The following ZNF438 variants were observed in gnomAD, a reference collection of about 807,000 sequenced individuals.
The protein encoded by ZNF438 is zinc finger protein 438.
ZNF438 carries 25 observed loss-of-function variants against 38.0 expected under a neutral mutation model. The observed-to-expected ratio is 0.66, with a 90% CI of 0.48 to 0.92. The LOEUF (loss-of-function observed/expected upper bound fraction) is 0.92. Among genes scored for constraint, ZNF438 ranks in the 40% least tolerant of loss-of-function variants. The probability of loss-of-function intolerance (pLI) is 0.00; values close to 1 mark genes in which losing one functional copy is unlikely to be tolerated. For missense variants in ZNF438, 1,007 were observed against 999.6 expected, an observed-to-expected ratio of 1.01 and a Z score of -0.10; for synonymous variants, 372 against 364.1, an observed-to-expected ratio of 1.02 and a Z score of -0.25.
At chr10:30,917,198 G>C (rs1426004582) in intron 2 of ZNF438, among the ~76,000 whole-genome samples, 1 of 152,012 alleles carries the variant, frequency 6.6e-6, no homozygotes. Context: ...ATTTGCCAGT[G>C]TTTCATTTTA....
intron 1 of ZNF438, among the ~76,000 whole-genome samples, chr10:31,001,548 T>C (rs78692412): frequency 0.015 from 2,259 of 152,250 alleles, 50 homozygotes; most frequent in African/African-American, 0.051. Flanking sequence ...ATATATTGTA[T>C]CATAAAGATT....
At chr10:30,885,559 A>T (rs570879929) in intron 3 of ZNF438, among the ~76,000 whole-genome samples, 1 of 152,202 alleles carries the variant, frequency 6.6e-6, no homozygotes, top group Admixed American at 6.5e-5. Context: ...TGAGGTGCTC[A>T]AAGAAAATTA....
At chr10:30,933,599 C>CAA (rs1491081811) in intron 2 of ZNF438, among the ~76,000 whole-genome samples, 3 of 130,550 alleles carry the variant, frequency 2.3e-5, no homozygotes, top group Non-Finnish European at 5.5e-5. Context: ...TCTTGGGTGA[C>CAA]AGAGTGAGAC....
At chr10:30,970,332 T>A (rs1474792277) in intron 1 of ZNF438, among the ~76,000 whole-genome samples, 1 of 152,174 alleles carries the variant, frequency 6.6e-6, no homozygotes, top group East Asian at 1.9e-4. Context: ...TTGACAACAG[T>A]TATGTTAATG....
intron 1 of ZNF438, among the ~76,000 whole-genome samples, chr10:30,991,253 C>T (rs2053460014): frequency 6.6e-6 from 1 of 152,232 alleles, no homozygotes; most frequent in South Asian, 2.1e-4. Flanking sequence ...GTAGAACAAG[C>T]CACTGGCACT....
chr10:30,872,655 C>T (rs1190944225), intron 4 of ZNF438, among the ~76,000 whole-genome samples: 1 of 144,906 alleles, frequency 6.9e-6, no homozygotes, highest in African/African-American at 2.6e-5. Context: ...GAGGCTGAGG[C>T]AGGAGAATGG....
At chr10:30,867,019 A>G (rs1239940557) in intron 4 of ZNF438, among the ~76,000 whole-genome samples, 1 of 152,250 alleles carries the variant, frequency 6.6e-6, no homozygotes, top group East Asian at 1.9e-4. Context: ...AAAATCTAAT[A>G]GAATACAAAA....
intron 1 of ZNF438, among the ~76,000 whole-genome samples, chr10:30,985,507 T>C (rs1162283445): frequency 6.6e-6 from 1 of 152,224 alleles, no homozygotes; most frequent in Non-Finnish European, 1.5e-5. Flanking sequence ...CATCAGGAGA[T>C]GTACCAACCA....
chr10:30,991,369 G>A (rs1259825412), intron 1 of ZNF438, among the ~76,000 whole-genome samples: 1 of 152,204 alleles, frequency 6.6e-6, no homozygotes, highest in Non-Finnish European at 1.5e-5. Flanking sequence ...TGGGGCAAAA[G>A]TTCTACTCTA....
At chr10:30,931,560 C>T (rs545002532) in intron 2 of ZNF438, among the ~76,000 whole-genome samples, 4 of 152,238 alleles carry the variant, frequency 2.6e-5, no homozygotes, top group Non-Finnish European at 5.9e-5. Flanking sequence ...TCAGAAATAA[C>T]GTTTGCATGT....
chr10:30,866,284 A>G (rs2036419180), intron 4 of ZNF438, among the ~76,000 whole-genome samples: 1 of 152,188 alleles, frequency 6.6e-6, no homozygotes, highest in African/African-American at 2.4e-5. Context: ...TTTTCATGGA[A>G]TACAATTTTT....
chr10:30,931,975 A>C (rs1356814578), intron 2 of ZNF438, among the ~76,000 whole-genome samples: 2 of 152,224 alleles, frequency 1.3e-5, no homozygotes, highest in Non-Finnish European at 2.9e-5. Context: ...GTAGAGGGTA[A>C]TAACGTGCTC....
chr10:31,022,484 C>G (rs2056667325), intron 1 of ZNF438, among the ~76,000 whole-genome samples: 1 of 152,178 alleles, frequency 6.6e-6, no homozygotes, highest in Non-Finnish European at 1.5e-5. Context: ...TGGTCTCGAA[C>G]TCCTGACCTC....
intron 1 of ZNF438, among the ~76,000 whole-genome samples, chr10:31,027,903 C>T (rs549949281): frequency 1.2e-4 from 18 of 152,070 alleles, no homozygotes; most frequent in Non-Finnish European, 2.4e-4. Flanking sequence ...ATAAAATCTA[C>T]GGCAGTGCAA....
intron 2 of ZNF438, among the ~76,000 whole-genome samples, chr10:30,940,170 T>A (rs757405257): frequency 2.6e-5 from 4 of 152,200 alleles, no homozygotes; most frequent in Non-Finnish European, 5.9e-5. Context: ...AGCACACTCT[T>A]AATTTATTAC....
At chr10:31,028,237 G>A (rs1036983311) in intron 1 of ZNF438, among the ~76,000 whole-genome samples, 1 of 152,040 alleles carries the variant, frequency 6.6e-6, no homozygotes, top group Non-Finnish European at 1.5e-5. Context: ...TAAACCGGTG[G>A]AAACCTGCCT....
At chr10:30,853,354 A>G (rs915773037) in intron 4 of ZNF438, among the ~76,000 whole-genome samples, 4 of 152,208 alleles carry the variant, frequency 2.6e-5, no homozygotes, top group Non-Finnish European at 5.9e-5. Context: ...CTCAGAGTAA[A>G]GCCAAAATCC....
chr10:30,974,510 A>G (rs2051119861), intron 1 of ZNF438, among the ~76,000 whole-genome samples: 1 of 152,256 alleles, frequency 6.6e-6, no homozygotes, highest in East Asian at 1.9e-4. Context: ...AACAACAAAC[A>G]TTCCTCTGAG....
rs184447008 is a variant in ZNF438 at position 30,966,152 on chromosome 10, C to T, written c.-191-24501G>A. Among the ~76,000 whole-genome samples, 463 of 151,866 alleles carry T rather than the reference C, an allele frequency of 3.0e-3. 1 individual carries two copies. The highest frequency in any genetic ancestry group is 2.2e-3 in the Non-Finnish European group (151 of 67,944). Reference sequence around the variant, plus strand: ...TTCTAGACAAGCCTGAGCAATATAGCGAGACCCTGTCTCTACAAAATGAAA... The same window carrying T: ...TTCTAGACAAGCCTGAGCAATATAGTGAGACCCTGTCTCTACAAAATGAAA... On this transcript the variant is annotated intron_variant, in intron 1 of 5. Coordinates refer to ENST00000413025, the Ensembl canonical transcript of ZNF438.
Sources: gnomAD v4.1 joint callset for allele counts (sites outside exome capture counted in the v4.1 genomes callset) on GRCh38, gnomAD v4.1.1 for gene constraint, MANE v1.5 for transcripts, NCBI Gene and HGNC (gene_info 2026-07-23, HGNC 2026-07-21) for gene names.